The following HACD1 variants were observed in gnomAD, a reference collection of about 807,000 sequenced individuals.
The protein encoded by HACD1 is very-long-chain (3R)-3-hydroxyacyl-CoA dehydratase 1.
HACD1 carries 41 observed loss-of-function variants against 32.0 expected under a neutral mutation model. That is an observed-to-expected ratio of 1.28 (90% CI 1.00 to 1.66). The LOEUF (loss-of-function observed/expected upper bound fraction) is 1.66. Ranked by LOEUF, HACD1 falls within the 40% of genes most tolerant of loss-of-function variation. The probability of loss-of-function intolerance (pLI) is 0.00; values close to 1 mark genes in which losing one functional copy is unlikely to be tolerated. For missense variants in HACD1, 396 were observed against 380.1 expected (o/e 1.04, Z -0.35); for synonymous variants, 142 against 139.0 (o/e 1.02, Z -0.15).
intron 1 of HACD1, among the ~76,000 whole-genome samples, chr10:17,608,446 C>T (rs1834179562): frequency 1.3e-5 from 2 of 152,144 alleles, no homozygotes; most frequent in Admixed American, 6.6e-5. Context: ...CTCCTTTAGC[C>T]ATTTGGAGGC....
chr10:17,595,651 A>G (rs903975008), intron 5 of HACD1, among the ~76,000 whole-genome samples: 34 of 152,086 alleles, frequency 2.2e-4, no homozygotes, highest in Non-Finnish European at 5.9e-5. Flanking sequence ...TCTGTGTTCT[A>G]CTGGCTGGTC....
In HACD1 at chr10:17,590,439, T is replaced by C; in HGVS notation, c.792A>G (p.Pro264=). The C allele has an allele frequency of 6.3e-7, 1 of 1,583,942 alleles. No individual in the cohort carries two copies. Among genetic ancestry groups the C allele is most frequent in the Non-Finnish European group, 8.6e-7 (1 of 1,161,152 alleles). The stretch of plus-strand genomic sequence containing the variant: ...GACGTAACATATGAAAATAGAGTTG[T>C]GGAAACACTTCATTGAAAAAGAAAA... ...ITMASYIPLF[P]QLYFHMLRQR... is the part of the protein sequence containing the mutation. Residue 264 remains proline (P), a synonymous_variant, in exon 7 of 7, where the codon CCA becomes CCG. Coordinates refer to ENST00000361271, the MANE Select transcript of HACD1 (RefSeq NM_014241.4).
At position 17,611,093 on chromosome 10, in the gene HACD1, C is replaced by T. The variant is rs894536800; in HGVS notation, c.257+5990G>A. ...TCGGATCACTGCAACCTCTGCCTCC[C>T]GGGTTCAAGAGATTCTCCTGCCTCA... On this transcript the variant is annotated intron_variant, in intron 1 of 6. Transcript: ENST00000361271. 4.0e-5 allele frequency among the ~76,000 whole-genome samples: 6 copies of T among 151,340 alleles called. No individual in the cohort carries two copies. The East Asian group carries it at 1.2e-3, about 29-fold the overall frequency.
chr10:17,593,037 A>G (rs946041034), intron 6 of HACD1, among the ~76,000 whole-genome samples: 1 of 152,070 alleles, frequency 6.6e-6, no homozygotes, highest in African/African-American at 2.4e-5. Flanking sequence ...CCTCGTCTCT[A>G]CTAAAAATAC....
intron 5 of HACD1, among the ~76,000 whole-genome samples, chr10:17,598,101 A>T (rs1554816138): frequency 6.6e-6 from 1 of 151,810 alleles, no homozygotes; most frequent in African/African-American, 2.4e-5. Flanking sequence ...CTCTACAAAA[A>T]ATACAAAAAT....
chr10:17,605,528 A>G (rs112592598), intron 1 of HACD1, among the ~76,000 whole-genome samples: 14,740 of 81,404 alleles, frequency 0.18, 905 homozygotes, highest in Admixed American at 0.27. Context: ...CCATCTCGGG[A>G]AAAAAAAAAA....
intron 4 of HACD1, 167 bp downstream of exon 4, chr10:17,603,393 C>T (rs1834098907): frequency 3.5e-6 from 2 of 571,244 alleles, no homozygotes; most frequent in Admixed American, 3.4e-5. Context: ...GTATCAAAGT[C>T]ATTCTGCTAA....
rs1274027197 is a variant in HACD1 at position 17,589,631 on chromosome 10, T to C, written c.*733A>G. The C allele has an allele frequency of 3.3e-5, 5 of 152,034 alleles. No individual in the cohort carries two copies. The highest frequency in any genetic ancestry group is 7.4e-5 in the Non-Finnish European group (5 of 68,022). 9.4% of individuals were successfully genotyped at this position (152,034 alleles called of 1,614,324 possible). ...GTCAGATGTCATGTTTTTTTTTTAA[T>C]AGTGGGGCAAATACTTATGCTCTTC... On this transcript the variant is annotated 3_prime_UTR_variant, in exon 7 of 7. Coordinates refer to ENST00000361271, the MANE Select transcript of HACD1 (RefSeq NM_014241.4).
At position 17,615,158 on chromosome 10, in the gene HACD1, C is replaced by T. The variant is rs187797249; in HGVS notation, c.257+1925G>A. 2.0e-5 allele frequency among the ~76,000 whole-genome samples: 3 copies of T among 152,314 alleles called. No individual in the cohort carries two copies. In the East Asian group the frequency reaches 5.8e-4, roughly 29 times the overall value. ...CGTGATTGCTGAATTGTTGTAAATA[C>T]ATTAGTTTTCTCACTTTCCAAGAGT... is the stretch of plus-strand genomic sequence containing the variant. On this transcript the variant is annotated intron_variant, in intron 1 of 6. Transcript: ENST00000361271.
chr10:17,598,409 A>T (rs1834024372), intron 5 of HACD1, among the ~76,000 whole-genome samples: 2 of 152,148 alleles, frequency 1.3e-5, no homozygotes, highest in African/African-American at 4.8e-5. Flanking sequence ...CATGTATAAT[A>T]CTTGGGATTA....
At chr10:17,598,405 T>C (rs574268814) in intron 5 of HACD1, among the ~76,000 whole-genome samples, 1 of 152,150 alleles carries the variant, frequency 6.6e-6, no homozygotes, top group Non-Finnish European at 1.5e-5. Flanking sequence ...TGAACATGTA[T>C]AATACTTGGG....
At chr10:17,601,943 A>G (rs1554816554) in intron 4 of HACD1, among the ~76,000 whole-genome samples, 1 of 152,086 alleles carries the variant, frequency 6.6e-6, no homozygotes, top group South Asian at 2.1e-4. Context: ...TCAGTCCCCA[A>G]GCATCTAAGA....
intron 1 of HACD1, among the ~76,000 whole-genome samples, chr10:17,612,619 A>C (rs1174051318): frequency 6.6e-6 from 1 of 152,172 alleles, no homozygotes; most frequent in East Asian, 1.9e-4. Flanking sequence ...TGAAGTTTTG[A>C]GTAAAAACTT....
intron 1 of HACD1, among the ~76,000 whole-genome samples, chr10:17,610,659 A>G (rs919828044): frequency 1.3e-5 from 2 of 152,170 alleles, no homozygotes; most frequent in African/African-American, 2.4e-5. Context: ...ACAATTTTAA[A>G]TAAACCACTA....
Position 17,589,738 on chromosome 10 carries a change from T to A in HACD1, c.*626A>T, listed in dbSNP as rs1833905783. ...TAAAAAGCAGATTTCCTTAGCAGTA[T>A]AAGTAATTTCAGCTGCCTAGAAATA... On this transcript the variant is annotated 3_prime_UTR_variant, in exon 7 of 7. Coordinates refer to ENST00000361271, the MANE Select transcript of HACD1 (RefSeq NM_014241.4). The A allele has an allele frequency of 6.6e-6, 1 of 152,262 alleles. No individual in the cohort carries two copies. The highest frequency in any genetic ancestry group is 6.5e-5 in the Admixed American group (1 of 15,284). The allele number at this position is 152,262 out of a possible 1,614,324, so 9.4% of individuals were successfully genotyped here.
chr10:17,599,730 T>A (rs1424365428), intron 4 of HACD1, among the ~76,000 whole-genome samples: 2 of 152,164 alleles, frequency 1.3e-5, no homozygotes, highest in African/African-American at 4.8e-5. Context: ...CTAGTAATCA[T>A]TGAATCACAC....
rs527595101 is a variant in HACD1 at position 17,617,122 on chromosome 10, G to A, written c.218C>T (p.Thr73Ile). 1 of 1,504,782 alleles carries A rather than the reference G, an allele frequency of 6.6e-7. No individual in the cohort carries two copies. The highest frequency in any genetic ancestry group is 2.1e-5 in the Admixed American group (1 of 46,956). 93.2% of individuals were successfully genotyped at this position (1,504,782 alleles called of 1,614,324 possible). ...GERRRLGVLA[T>I]AWLTFYDIAM... ...GATGTCGTAGAAGGTGAGCCAGGCG[G>A]TGGCCAAGACCCCCAGGCGCCTCCG... is the stretch of plus-strand genomic sequence containing the variant. The change falls in exon 1 of 7, where the codon ACC becomes ATC. Residue 73 changes from threonine (T) to isoleucine (I), a missense_variant. Coordinates refer to ENST00000361271, the MANE Select transcript of HACD1 (RefSeq NM_014241.4).
chr10:17,615,634 C>T lies in HACD1; in HGVS notation c.257+1449G>A, dbSNP rs1025870968. The T allele has an allele frequency of 2.3e-5, 4 of 173,190 alleles. No homozygotes were observed. In the South Asian group the frequency reaches 3.5e-4, roughly 15 times the overall value. The allele number at this position is 173,190 out of a possible 1,614,324, so 10.7% of individuals were successfully genotyped here. A position where few individuals can be genotyped will look rare whatever the true frequency, so the allele number is the denominator to read the frequency against. Reference sequence around the variant, plus strand: ...GCCGGGAGTTTGAGACCAGCCTAGCCAACACAGTGAGAGGCCATCTCTATT... The same window carrying T: ...GCCGGGAGTTTGAGACCAGCCTAGCTAACACAGTGAGAGGCCATCTCTATT... On this transcript the variant is annotated intron_variant, in intron 1 of 6. Coordinates refer to ENST00000361271, the MANE Select transcript of HACD1 (RefSeq NM_014241.4).
chr10:17,599,517 G>T lies in HACD1; in HGVS notation c.484-106C>A. The T allele has an allele frequency of 4.9e-6, 7 of 1,429,984 alleles. No individual in the cohort carries two copies. The South Asian group carries it at 7.6e-5, about 16-fold the overall frequency. The allele number at this position is 1,429,984 out of a possible 1,614,324, so 88.6% of individuals were successfully genotyped here. A position where few individuals can be genotyped will look rare whatever the true frequency, so the allele number is the denominator to read the frequency against. On this transcript the variant is annotated intron_variant, in intron 4 of 6. Transcript: ENST00000361271. ...GCCTTTTATTTATAATGGAATGTTA[G>T]GGTTAGGCAAATGCAATATAGAAAA...
Sources: allele counts gnomAD v4.1 joint callset (sites outside exome capture counted in the v4.1 genomes callset), GRCh38; gene constraint gnomAD v4.1.1; transcripts MANE v1.5; gene names NCBI Gene and HGNC (gene_info 2026-07-23, HGNC 2026-07-21).